Variants in EPB41L5 observed in about 807,000 individuals in gnomAD.
EPB41L5 encodes the protein band 4.1-like protein 5.
In EPB41L5, 55 loss-of-function variants were observed where a neutral mutation model predicts 106.6. The ratio of observed to expected loss-of-function variants is 0.52; its 90% CI spans 0.42 to 0.65. EPB41L5 has a LOEUF of 0.65. Among genes scored for constraint, EPB41L5 ranks in the 30% least tolerant of loss-of-function variants. The pLI is 0.00. For synonymous variants in EPB41L5, 297 were observed against 306.7 expected (o/e 0.97, Z 0.33); for missense variants, 871 against 882.1 (o/e 0.99, Z 0.16).
chr2:120,021,099 T>C (rs1213537425), intron 2 of EPB41L5, among the ~76,000 whole-genome samples: 3 of 152,268 alleles, frequency 2.0e-5, no homozygotes, highest in Non-Finnish European at 4.4e-5. Flanking sequence ...CCCAGCACTT[T>C]GGGAGGCTGA....
intron 2 of EPB41L5, among the ~76,000 whole-genome samples, chr2:120,027,719 T>C (rs1330080757): frequency 6.6e-6 from 1 of 152,122 alleles, no homozygotes; most frequent in East Asian, 1.9e-4. Context: ...AGGGTTTCTT[T>C]TTGAGGTGAT....
chr2:120,122,091 GTA>G (rs1191450049), intron 16 of EPB41L5, among the ~76,000 whole-genome samples: 1 of 152,126 alleles, frequency 6.6e-6, no homozygotes, highest in Non-Finnish European at 1.5e-5. Flanking sequence ...TGTCAGATGG[GTA>G]GATTGCAAAA....
chr2:120,033,596 A>G (rs760975953), intron 2 of EPB41L5, among the ~76,000 whole-genome samples: 1 of 151,432 alleles, frequency 6.6e-6, no homozygotes, highest in African/African-American at 2.4e-5. Flanking sequence ...AATCCCAGCT[A>G]CTTGGGAGGC....
chr2:120,110,905 G>A (rs1684700981), intron 16 of EPB41L5, among the ~76,000 whole-genome samples: 1 of 152,134 alleles, frequency 6.6e-6, no homozygotes, highest in Admixed American at 6.5e-5. Context: ...GCCTCCCAAA[G>A]TGCTGGGATT....
intron 16 of EPB41L5, chr2:120,105,259 C>T (rs1269815563): frequency 1.0e-6 from 1 of 980,618 alleles, no homozygotes; most frequent in Non-Finnish European, 1.2e-6. Context: ...TTTCTTCTGT[C>T]TTTTTTTAGT....
intron 3 of EPB41L5, among the ~76,000 whole-genome samples, chr2:120,070,520 C>CA (rs1428818188): frequency 1.3e-5 from 2 of 152,100 alleles, no homozygotes; most frequent in Non-Finnish European, 2.9e-5. Flanking sequence ...CTGGCAGAGA[C>CA]ACAACAACAA....
intron 2 of EPB41L5, among the ~76,000 whole-genome samples, chr2:120,022,098 T>C (rs1354209466): frequency 6.6e-6 from 1 of 152,246 alleles, no homozygotes; most frequent in African/African-American, 2.4e-5. Flanking sequence ...AAGAGCTTAG[T>C]ATTGGTAAAT....
intron 19 of EPB41L5, 71 bp from the exon 20 acceptor site, chr2:120,146,152 AAG>A: frequency 1.1e-6 from 1 of 916,330 alleles, no homozygotes; most frequent in Non-Finnish European, 1.7e-6. Context: ...TGTTACCAGA[AAG>A]AAATGTAAAT....
At chr2:120,108,466 G>A (rs764932641) in intron 16 of EPB41L5, 19 of 152,030 alleles carry the variant, frequency 1.2e-4, no homozygotes, top group African/African-American at 4.3e-4. Flanking sequence ...AATAAAGCTC[G>A]CATCTACAGA....
intron 16 of EPB41L5, among the ~76,000 whole-genome samples, chr2:120,116,658 A>G (rs1035602019): frequency 1.1e-4 from 16 of 152,144 alleles, no homozygotes; most frequent in Non-Finnish European, 2.9e-5. Context: ...AGCTAGGACT[A>G]TAGGCACATG....
At chr2:120,071,501 A>T (rs1681865005) in intron 3 of EPB41L5, among the ~76,000 whole-genome samples, 1 of 152,242 alleles carries the variant, frequency 6.6e-6, no homozygotes, top group Admixed American at 6.5e-5. Context: ...ACGAAGCCGG[A>T]GGCATCACGC....
chr2:120,030,597 A>G (rs1043779045), intron 2 of EPB41L5, among the ~76,000 whole-genome samples: 2 of 152,314 alleles, frequency 1.3e-5, no homozygotes, highest in Non-Finnish European at 2.9e-5. Flanking sequence ...TCTGTTGCCC[A>G]GGCTGAAGTG....
intron 3 of EPB41L5, among the ~76,000 whole-genome samples, chr2:120,045,461 C>T (rs1010196839): frequency 6.6e-6 from 1 of 152,022 alleles, no homozygotes; most frequent in East Asian, 1.9e-4. Context: ...GAAGATGTCC[C>T]ATCACACCTG....
At chr2:120,112,714 G>A (rs1304374599) in intron 16 of EPB41L5, among the ~76,000 whole-genome samples, 1 of 152,186 alleles carries the variant, frequency 6.6e-6, no homozygotes, top group East Asian at 1.9e-4. Flanking sequence ...TCAGGTTTGA[G>A]TAAAGAGTAT....
intron 2 of EPB41L5, among the ~76,000 whole-genome samples, chr2:120,041,356 A>T (rs1679392519): frequency 6.6e-6 from 1 of 152,128 alleles, no homozygotes; most frequent in Non-Finnish European, 1.5e-5. Context: ...GGGTCTTGGA[A>T]ACCCTCGGTG....
At chr2:120,060,899 AAAAT>A (rs1680994988) in intron 3 of EPB41L5, among the ~76,000 whole-genome samples, 1 of 152,156 alleles carries the variant, frequency 6.6e-6, no homozygotes, top group Non-Finnish European at 1.5e-5. Flanking sequence ...AAAACCTTAA[AAAAT>A]AAACATAGCA....
At chr2:120,044,925 T>C (rs1485489843) in intron 3 of EPB41L5, among the ~76,000 whole-genome samples, 1 of 152,216 alleles carries the variant, frequency 6.6e-6, no homozygotes, top group Non-Finnish European at 1.5e-5. Flanking sequence ...AGATTAAAGA[T>C]ATTAAAAATG....
Position 120,103,421 on chromosome 2 carries a change from A to C in EPB41L5, c.1337+2607A>C, listed in dbSNP as rs1684264998. Reference sequence around the variant, plus strand: ...AGAGGGTGTATCATCTCATCACATTATCTGTACCTGTTGAATTTCATTTTG... The same window carrying C: ...AGAGGGTGTATCATCTCATCACATTCTCTGTACCTGTTGAATTTCATTTTG... On this transcript the variant is annotated intron_variant, in intron 16 of 24. Coordinates refer to ENST00000263713, the MANE Select transcript of EPB41L5 (RefSeq NM_020909.4). Among the ~76,000 whole-genome samples, 9 of 152,176 alleles carry C rather than the reference A, an allele frequency of 5.9e-5. No individual in the cohort carries two copies. In the South Asian group the frequency reaches 1.9e-3, roughly 31 times the overall value.
At chr2:120,027,238 C>T (rs775943609) in intron 2 of EPB41L5, among the ~76,000 whole-genome samples, 7 of 152,118 alleles carry the variant, frequency 4.6e-5, no homozygotes, top group African/African-American at 1.2e-4. Context: ...AAGCTTGTAA[C>T]GGATGTTCAT....
Sources: gnomAD v4.1 joint callset for allele counts (sites outside exome capture counted in the v4.1 genomes callset) on GRCh38, gnomAD v4.1.1 for gene constraint, MANE v1.5 for transcripts, NCBI Gene and HGNC (gene_info 2026-07-23, HGNC 2026-07-21) for gene names.